Variants in RPS6KC1 observed in about 807,000 individuals in gnomAD.
The protein encoded by RPS6KC1 is ribosomal protein S6 kinase C1.
In RPS6KC1, 54 loss-of-function variants were observed where a neutral mutation model predicts 103.8. The ratio of observed to expected loss-of-function variants is 0.52; its 90% confidence interval spans 0.42 to 0.65. The LOEUF (loss-of-function observed/expected upper bound fraction) is 0.65, where lower values mean the gene tolerates loss of function less well. Among genes scored for constraint, RPS6KC1 ranks in the 30% least tolerant of loss-of-function variants. The pLI is 0.00. For synonymous variants in RPS6KC1, 439 were observed against 438.7 expected (o/e 1.00, Z -0.01); for missense variants, 1,151 against 1,253.8 (o/e 0.92, Z 1.24).
chr1:213,775,846 T>C, the RPS6KC1 span, among the ~76,000 whole-genome samples: 1 of 152,236 alleles, frequency 6.6e-6, no homozygotes, highest in Non-Finnish European at 1.5e-5. Context: ...CTCTCAAACC[T>C]TGCTGCTGCT....
At chr1:213,716,205 G>T in the RPS6KC1 span, among the ~76,000 whole-genome samples, 137 of 152,282 alleles carry the variant, frequency 9.0e-4, 1 homozygote, top group African/African-American at 3.1e-3. Context: ...GTGTGTTGGG[G>T]TGGGAGGTGC....
At chr1:213,464,139 G>A in the RPS6KC1 span, among the ~76,000 whole-genome samples, 1 of 152,070 alleles carries the variant, frequency 6.6e-6, no homozygotes, top group Admixed American at 6.6e-5. Context: ...TGTAGTATTG[G>A]CTGATAGTTT....
the RPS6KC1 span, among the ~76,000 whole-genome samples, chr1:213,281,536 CT>C: frequency 6.6e-6 from 1 of 152,228 alleles, no homozygotes; most frequent in Non-Finnish European, 1.5e-5. Flanking sequence ...CAGAACACCC[CT>C]GATCATACCT....
the RPS6KC1 span, among the ~76,000 whole-genome samples, chr1:213,831,779 A>T: frequency 2.0e-5 from 3 of 152,238 alleles, no homozygotes; most frequent in African/African-American, 7.2e-5. Flanking sequence ...AAGGGAATTA[A>T]AGAATCATTT....
the RPS6KC1 span, among the ~76,000 whole-genome samples, chr1:213,862,608 C>T: frequency 6.6e-6 from 1 of 152,306 alleles, no homozygotes; most frequent in East Asian, 1.9e-4. Context: ...GTCCACTCTT[C>T]CCCATTCATT....
At chr1:213,222,552 G>A (rs1449846390) in intron 8 of RPS6KC1, among the ~76,000 whole-genome samples, 1 of 152,000 alleles carries the variant, frequency 6.6e-6, no homozygotes, top group Admixed American at 6.6e-5. Context: ...TGGAGTTGCT[G>A]GGCAATGGTA....
At chr1:213,403,380 T>C in the RPS6KC1 span, among the ~76,000 whole-genome samples, 1 of 152,066 alleles carries the variant, frequency 6.6e-6, no homozygotes, top group African/African-American at 2.4e-5. Flanking sequence ...TGTCGAGGAC[T>C]CTCTTTTTTT....
At chr1:213,438,219 T>C in the RPS6KC1 span, among the ~76,000 whole-genome samples, 1 of 152,210 alleles carries the variant, frequency 6.6e-6, no homozygotes, top group Admixed American at 6.5e-5. Flanking sequence ...ATTATAATAG[T>C]TTCTGATCAA....
At chr1:213,697,818 C>T in the RPS6KC1 span, among the ~76,000 whole-genome samples, 1 of 152,170 alleles carries the variant, frequency 6.6e-6, no homozygotes, top group Admixed American at 6.5e-5. Flanking sequence ...TTTTTCTCCT[C>T]TATTACCTGA....
At chr1:213,163,324 T>C (rs1206400450) in intron 6 of RPS6KC1, among the ~76,000 whole-genome samples, 1 of 152,150 alleles carries the variant, frequency 6.6e-6, no homozygotes, top group African/African-American at 2.4e-5. Flanking sequence ...ACAGGGCCCA[T>C]TGGGAGAGTA....
At chr1:213,629,626 A>G in the RPS6KC1 span, among the ~76,000 whole-genome samples, 20 of 152,196 alleles carry the variant, frequency 1.3e-4, no homozygotes, top group South Asian at 1.9e-3. Flanking sequence ...TCCTGTCATT[A>G]TGATGTTAGC....
intron 8 of RPS6KC1, among the ~76,000 whole-genome samples, chr1:213,183,459 A>G (rs1322990070): frequency 1.3e-5 from 2 of 152,154 alleles, no homozygotes; most frequent in Non-Finnish European, 2.9e-5. Flanking sequence ...TTCTCTGACC[A>G]TGTCTGAATC....
chr1:213,786,819 C>T, the RPS6KC1 span, among the ~76,000 whole-genome samples: 1 of 152,132 alleles, frequency 6.6e-6, no homozygotes, highest in Non-Finnish European at 1.5e-5. Flanking sequence ...TCTTCTTCCT[C>T]AGTGATTTGA....
At chr1:213,646,098 T>C in the RPS6KC1 span, among the ~76,000 whole-genome samples, 5 of 152,176 alleles carry the variant, frequency 3.3e-5, no homozygotes, top group Non-Finnish European at 1.5e-5. Flanking sequence ...ATGTTGTGTA[T>C]ATTTTAAAGC....
intron 8 of RPS6KC1, among the ~76,000 whole-genome samples, chr1:213,228,145 AAGT>A (rs1366315445): frequency 1.3e-5 from 2 of 152,216 alleles, no homozygotes. Context: ...GAAAGGAAGA[AAGT>A]AGTCAGTGTT....
At chr1:213,740,976 C>A in the RPS6KC1 span, among the ~76,000 whole-genome samples, 1 of 148,530 alleles carries the variant, frequency 6.7e-6, no homozygotes, top group Non-Finnish European at 1.5e-5. Flanking sequence ...ATATATATAT[C>A]AGATATATGT....
At chr1:213,793,884 T>C in the RPS6KC1 span, among the ~76,000 whole-genome samples, 1 of 152,054 alleles carries the variant, frequency 6.6e-6, no homozygotes, top group African/African-American at 2.4e-5. Context: ...GTGTGTGTTT[T>C]GTGTGTGTGT....
chr1:213,078,297 T>C (rs2079538246), intron 3 of RPS6KC1, among the ~76,000 whole-genome samples: 1 of 151,994 alleles, frequency 6.6e-6, no homozygotes, highest in Admixed American at 6.6e-5. Flanking sequence ...TATTAAAGTT[T>C]CTGTGTCAAA....
At chr1:213,303,878 T>G in the RPS6KC1 span, among the ~76,000 whole-genome samples, 1 of 152,106 alleles carries the variant, frequency 6.6e-6, no homozygotes, top group Non-Finnish European at 1.5e-5. Flanking sequence ...GTACCGAACA[T>G]TAATGACCAT....
Sources: allele counts gnomAD v4.1 joint callset (sites outside exome capture counted in the v4.1 genomes callset), GRCh38; gene constraint gnomAD v4.1.1; transcripts MANE v1.5; gene names NCBI Gene and HGNC (gene_info 2026-07-23, HGNC 2026-07-21).